EPHA3: variants seen among roughly 807,000 people sequenced by gnomAD.
EPHA3 encodes the protein ephrin type-A receptor 3.
In EPHA3, 42 loss-of-function variants were observed where a neutral mutation model predicts 107.1. The ratio of observed to expected loss-of-function variants is 0.39; its 90% CI spans 0.31 to 0.51. EPHA3 has a LOEUF of 0.51. Ranked by LOEUF, EPHA3 falls within the 20% of genes least tolerant of loss-of-function variation. EPHA3 has a pLI of 0.78. For synonymous variants in EPHA3, 461 were observed against 424.8 expected (o/e 1.09, Z -1.05); for missense variants, 1,183 against 1,211.2 (o/e 0.98, Z 0.35).
chr3:89,356,687 A>T (rs140881280), intron 5 of EPHA3, among the ~76,000 whole-genome samples: 2 of 151,320 alleles, frequency 1.3e-5, no homozygotes, highest in African/African-American at 4.8e-5. Flanking sequence ...TATATAATGT[A>T]TGTATATCCA....
chr3:89,340,690 T>C (rs1414820572), intron 3 of EPHA3, among the ~76,000 whole-genome samples: 1 of 152,226 alleles, frequency 6.6e-6, no homozygotes, highest in Non-Finnish European at 1.5e-5. Context: ...AGTGCCAAAA[T>C]AATCTAAATC....
At chr3:89,400,634 AGC>A (rs1225853562) in intron 7 of EPHA3, among the ~76,000 whole-genome samples, 1,628 of 143,114 alleles carry the variant, frequency 0.011, 28 homozygotes, top group African/African-American at 0.039. Context: ...TGTGTGTGTG[AGC>A]GTGTGTGTGT....
At chr3:89,446,031 G>A (rs978938298) in intron 13 of EPHA3, among the ~76,000 whole-genome samples, 3 of 152,074 alleles carry the variant, frequency 2.0e-5, no homozygotes, top group Non-Finnish European at 4.4e-5. Context: ...AACCAGAAGA[G>A]CAGAATTGAA....
At chr3:89,356,234 T>C (rs564282264) in intron 5 of EPHA3, among the ~76,000 whole-genome samples, 1 of 151,130 alleles carries the variant, frequency 6.6e-6, no homozygotes, top group South Asian at 2.1e-4. Flanking sequence ...AGTCTATCAT[T>C]GTTGGACATT....
rs187094740 is a variant in EPHA3, at chr3:89,289,435, A to C, written c.815-51481A>C. On this transcript the variant is annotated intron_variant, in intron 3 of 16. Transcript: ENST00000336596. ...GGGGGTGTTCTATGAAAATGAAAAAAAATTATATGTAGTATATTAAAGTAA... is the reference window on the plus strand; with the variant it reads ...GGGGGTGTTCTATGAAAATGAAAAACAATTATATGTAGTATATTAAAGTAA... Among the ~76,000 whole-genome samples the C allele has an allele frequency of 1.5e-3, 228 of 152,228 alleles. 1 individual carries two copies. Among genetic ancestry groups the C allele is most frequent in the South Asian group, 0.014 (70 of 4,830 alleles).
intron 2 of EPHA3, 64 bp from the exon 3 acceptor site, chr3:89,209,796 C>A: frequency 7.3e-7 from 1 of 1,368,780 alleles, no homozygotes; most frequent in Non-Finnish European, 1.0e-6. Flanking sequence ...CTCTGACACC[C>A]TTATGTTGTA....
chr3:89,269,791 T>C (rs542084900), intron 3 of EPHA3, among the ~76,000 whole-genome samples: 149 of 127,390 alleles, frequency 1.2e-3, no homozygotes, highest in African/African-American at 3.4e-3. Flanking sequence ...AGTGTGATGT[T>C]CCCCTTCCTG....
intron 2 of EPHA3, among the ~76,000 whole-genome samples, chr3:89,209,653 T>G (rs1365765613): frequency 6.6e-6 from 1 of 152,152 alleles, no homozygotes; most frequent in East Asian, 1.9e-4. Context: ...TTCAACAAAC[T>G]GTAACGCAAT....
At chr3:89,446,574 A>G (rs1709879570) in intron 13 of EPHA3, among the ~76,000 whole-genome samples, 1 of 151,980 alleles carries the variant, frequency 6.6e-6, no homozygotes, top group Non-Finnish European at 1.5e-5. Flanking sequence ...TCATCAACCT[A>G]TTGTTTTTTT....
chr3:89,127,463 AT>A (rs1484181925), intron 2 of EPHA3, among the ~76,000 whole-genome samples, 190 bp downstream of exon 2: 2 of 151,928 alleles, frequency 1.3e-5, no homozygotes, highest in African/African-American at 4.8e-5. Context: ...AATTTTGAAG[AT>A]TTTTTTTCTC....
chr3:89,315,104 G>T (rs916268647), intron 3 of EPHA3, among the ~76,000 whole-genome samples: 2 of 151,652 alleles, frequency 1.3e-5, no homozygotes, highest in African/African-American at 2.4e-5. Context: ...TAATCTTATG[G>T]GTCCACTGTC....
intron 3 of EPHA3, among the ~76,000 whole-genome samples, chr3:89,270,760 CT>C (rs1262817799): frequency 6.6e-6 from 1 of 151,972 alleles, no homozygotes; most frequent in African/African-American, 2.4e-5. Flanking sequence ...TAAAAATTGT[CT>C]GTGCTTTTTG....
chr3:89,202,534 A>AATATAT (rs71105121), intron 2 of EPHA3, among the ~76,000 whole-genome samples: 17 of 37,684 alleles, frequency 4.5e-4, no homozygotes, highest in East Asian at 1.9e-3. Flanking sequence ...AAAAAAAAAA[A>AATATAT]ATATATATAT....
chr3:89,273,961 G>A (rs1029741149), intron 3 of EPHA3, among the ~76,000 whole-genome samples: 1 of 151,914 alleles, frequency 6.6e-6, no homozygotes, highest in African/African-American at 2.4e-5. Flanking sequence ...TGTGAAAAAT[G>A]AGGCACTAAA....
intron 2 of EPHA3, among the ~76,000 whole-genome samples, chr3:89,188,940 A>C (rs1394052168): frequency 2.0e-5 from 3 of 152,180 alleles, no homozygotes; most frequent in African/African-American, 4.8e-5. Context: ...CCAGTTTTGA[A>C]AAGTGTATGG....
At chr3:89,186,092 G>C (rs1047753170) in intron 2 of EPHA3, among the ~76,000 whole-genome samples, 4 of 146,514 alleles carry the variant, frequency 2.7e-5, no homozygotes, top group Non-Finnish European at 4.5e-5. Context: ...CTTTCATCAA[G>C]TGGTACATGT....
intron 2 of EPHA3, among the ~76,000 whole-genome samples, chr3:89,203,608 C>G (rs2107167084): frequency 1.3e-5 from 2 of 151,456 alleles, no homozygotes; most frequent in East Asian, 3.9e-4. Flanking sequence ...CCCGTCTCTA[C>G]TAAAAAAAAA....
At chr3:89,249,658 A>G (rs1321632971) in intron 3 of EPHA3, among the ~76,000 whole-genome samples, 2 of 151,922 alleles carry the variant, frequency 1.3e-5, no homozygotes, top group Non-Finnish European at 2.9e-5. Context: ...ACGAGGTTTC[A>G]CCACATTGCC....
At chr3:89,166,029 A>G (rs960049274) in intron 2 of EPHA3, among the ~76,000 whole-genome samples, 1 of 152,202 alleles carries the variant, frequency 6.6e-6, no homozygotes, top group Non-Finnish European at 1.5e-5. Flanking sequence ...TCAAATGCTC[A>G]TTAATAGCAA....
Sources: gnomAD v4.1 joint callset for allele counts (sites outside exome capture counted in the v4.1 genomes callset) on GRCh38, gnomAD v4.1.1 for gene constraint, MANE v1.5 for transcripts, NCBI Gene and HGNC (gene_info 2026-07-23, HGNC 2026-07-21) for gene names.